ZFHX3: variants seen among roughly 807,000 people sequenced by gnomAD.
ZFHX3 encodes zinc finger homeobox 3, also known as zinc finger homeobox protein 3.
A neutral mutation model predicts 279.1 loss-of-function variants in ZFHX3; 42 were observed. The observed-to-expected ratio is 0.15, with a 90% CI of 0.12 to 0.19. The LOEUF (loss-of-function observed/expected upper bound fraction) is 0.19. Ranked by LOEUF, ZFHX3 falls within the 10% of genes least tolerant of loss-of-function variation. ZFHX3 has a pLI of 1.00. For synonymous variants in ZFHX3, 2,293 were observed against 1,957.8 expected (o/e 1.17, Z -4.52); for missense variants, 4,981 against 4,754.0 (o/e 1.05, Z -1.40).
chr16:72,843,911 T>C (rs2037412530), intron 4 of ZFHX3, among the ~76,000 whole-genome samples: 1 of 152,138 alleles, frequency 6.6e-6, no homozygotes, highest in Admixed American at 6.5e-5. Context: ...AGGCACCTGG[T>C]ACCCTGTTAA....
intron 3 of ZFHX3, among the ~76,000 whole-genome samples, chr16:73,333,149 A>T (rs543787708): frequency 3.3e-5 from 5 of 152,348 alleles, no homozygotes; most frequent in Admixed American, 1.3e-4. Flanking sequence ...AGACACATAC[A>T]TGGATACATA....
At chr16:73,296,033 G>C (rs1175593613) in intron 4 of ZFHX3, among the ~76,000 whole-genome samples, 1 of 151,920 alleles carries the variant, frequency 6.6e-6, no homozygotes, top group Non-Finnish European at 1.5e-5. Flanking sequence ...ATCATCCCCA[G>C]GGAAATTCAC....
intron 3 of ZFHX3, among the ~76,000 whole-genome samples, chr16:72,923,218 T>G (rs1391461364): frequency 2.6e-5 from 4 of 152,076 alleles, no homozygotes; most frequent in Non-Finnish European, 5.9e-5. Context: ...GGTGGGAGGA[T>G]CGATCGCTCG....
chr16:73,263,193 CTTT>C (rs558980116), intron 4 of ZFHX3, among the ~76,000 whole-genome samples: 2 of 144,196 alleles, frequency 1.4e-5, no homozygotes, highest in Non-Finnish European at 1.5e-5. Context: ...TCAGGAAGTC[CTTT>C]TTTTTTTTTT....
At chr16:73,441,840 TCAAATCTG>T (rs1423308745) in intron 3 of ZFHX3, among the ~76,000 whole-genome samples, 1 of 152,126 alleles carries the variant, frequency 6.6e-6, no homozygotes, top group African/African-American at 2.4e-5. Context: ...TTCAGCAAAG[TCAAATCTG>T]CAAAACTACT....
intron 1 of ZFHX3, among the ~76,000 whole-genome samples, chr16:73,870,789 C>T (rs1459966247): frequency 1.3e-5 from 2 of 152,136 alleles, no homozygotes; most frequent in East Asian, 3.9e-4. Flanking sequence ...TATCTGAGCA[C>T]GAACATCAGC....
At chr16:73,510,371 T>C (rs904062943) in intron 2 of ZFHX3, among the ~76,000 whole-genome samples, 3 of 152,158 alleles carry the variant, frequency 2.0e-5, no homozygotes, top group Non-Finnish European at 4.4e-5. Context: ...TTAATATATT[T>C]GTGTTGAATG....
chr16:73,876,053 A>T (rs1165917166), intron 1 of ZFHX3, among the ~76,000 whole-genome samples: 3 of 152,206 alleles, frequency 2.0e-5, no homozygotes, highest in Admixed American at 1.3e-4. Context: ...ACACGACCCC[A>T]AACCGTCCAG....
intron 2 of ZFHX3, among the ~76,000 whole-genome samples, chr16:73,566,911 C>A (rs1469190901): frequency 1.3e-5 from 2 of 152,136 alleles, no homozygotes; most frequent in Non-Finnish European, 2.9e-5. Flanking sequence ...GTTGGTCAGG[C>A]TGTTCTCGAA....
At chr16:73,518,644 C>T (rs1320879618) in intron 2 of ZFHX3, among the ~76,000 whole-genome samples, 2 of 152,158 alleles carry the variant, frequency 1.3e-5, no homozygotes. Context: ...GAGGGAGATA[C>T]AGCAAACTCC....
In ZFHX3 at chr16:73,681,949, T is replaced by C. The variant is rs988101694; in HGVS notation, c.-1607-1709A>G. ...TTCCCCAAAGAGGGTATCTAATAAATAGGGATAATGATATATACCTATCTA... is the reference window on the plus strand; with the variant it reads ...TTCCCCAAAGAGGGTATCTAATAAACAGGGATAATGATATATACCTATCTA... On this transcript the variant is annotated intron_variant, in intron 1 of 17. Coordinates refer to the ZFHX3 transcript ENST00000641206. Among the ~76,000 whole-genome samples, 14 of 152,322 alleles carry C rather than the reference T, an allele frequency of 9.2e-5. No homozygotes were observed. The East Asian group carries it at 2.5e-3, about 27-fold the overall frequency.
intron 5 of ZFHX3, among the ~76,000 whole-genome samples, chr16:73,196,605 G>A (rs1968155019): frequency 6.6e-6 from 1 of 151,886 alleles, no homozygotes. Flanking sequence ...GTGTTCTCCT[G>A]GTTTGAGAGA....
intron 1 of ZFHX3, among the ~76,000 whole-genome samples, chr16:73,757,960 TA>T: frequency 6.6e-6 from 1 of 152,262 alleles, no homozygotes; most frequent in East Asian, 1.9e-4. Context: ...ATTATTTCAG[TA>T]AAAATGCCTA....
intron 4 of ZFHX3, among the ~76,000 whole-genome samples, chr16:73,259,782 TTATGTGCATGTATATTA>T (rs1361161918): frequency 3.3e-5 from 5 of 152,360 alleles, no homozygotes; most frequent in African/African-American, 1.2e-4. Flanking sequence ...ATTATAATAT[TTATGTGCATGTATATTA>T]TATGCACACG....
At chr16:72,912,492 G>T (rs996926110) in intron 3 of ZFHX3, among the ~76,000 whole-genome samples, 3 of 152,174 alleles carry the variant, frequency 2.0e-5, no homozygotes, top group Non-Finnish European at 4.4e-5. Context: ...TTGGAAAATT[G>T]TTGCAGGAAA....
chr16:73,347,898 T>C (rs1384700664), intron 3 of ZFHX3, among the ~76,000 whole-genome samples: 1 of 152,210 alleles, frequency 6.6e-6, no homozygotes, highest in Non-Finnish European at 1.5e-5. Context: ...TGATTCCCAT[T>C]GGACATGAAG....
At chr16:73,237,685 T>C (rs1262412863) in intron 5 of ZFHX3, among the ~76,000 whole-genome samples, 1 of 152,126 alleles carries the variant, frequency 6.6e-6, no homozygotes, top group East Asian at 1.9e-4. Context: ...TCCTTGATTC[T>C]TGATCCATGC....
intron 2 of ZFHX3, among the ~76,000 whole-genome samples, chr16:73,603,076 G>C (rs1597022309): frequency 6.6e-6 from 1 of 152,128 alleles, no homozygotes; most frequent in African/African-American, 2.4e-5. Flanking sequence ...ACGAGGTCAG[G>C]AGATAGAGAC....
At chr16:73,103,034 C>T (rs1597157241) in intron 7 of ZFHX3, among the ~76,000 whole-genome samples, 1 of 152,186 alleles carries the variant, frequency 6.6e-6, no homozygotes, top group East Asian at 1.9e-4. Flanking sequence ...GATCGATTCT[C>T]CTGCCTCAGC....
Sources: gnomAD v4.1 joint callset for allele counts (sites outside exome capture counted in the v4.1 genomes callset) on GRCh38, gnomAD v4.1.1 for gene constraint, MANE v1.5 for transcripts, NCBI Gene and HGNC (gene_info 2026-07-23, HGNC 2026-07-21) for gene names.